COL4A4: variants seen among roughly 807,000 people sequenced by gnomAD.
COL4A4 encodes the protein collagen type IV alpha 4 chain, also known as collagen alpha-4(IV) chain.
Under a neutral mutation model 192.9 loss-of-function variants are expected in COL4A4, and 105 were observed. The ratio of observed to expected loss-of-function variants is 0.54; its 90% confidence interval spans 0.46 to 0.64. The LOEUF (loss-of-function observed/expected upper bound fraction) is 0.64, where lower values mean the gene tolerates loss of function less well. COL4A4 is among the 30% of genes least tolerant of loss of function. The pLI, the probability that COL4A4 is intolerant of heterozygous loss-of-function variation, is 0.00. For missense variants in COL4A4, 1,967 were observed against 2,169.3 expected, an observed-to-expected ratio of 0.91 and a Z score of 1.85; for synonymous variants, 762 against 769.9, an observed-to-expected ratio of 0.99 and a Z score of 0.17.
intron 4 of COL4A4, among the ~76,000 whole-genome samples, chr2:227,131,078 A>G (rs1019633620): frequency 1.3e-5 from 2 of 151,754 alleles, no homozygotes; most frequent in Non-Finnish European, 2.9e-5. Flanking sequence ...CATAAATCCA[A>G]TCTGCTTCTT....
intron 34 of COL4A4, among the ~76,000 whole-genome samples, chr2:227,049,396 C>T (rs1973569262): frequency 6.6e-6 from 1 of 152,216 alleles, no homozygotes; most frequent in African/African-American, 2.4e-5. Flanking sequence ...TGGAAAACAG[C>T]CACACTCCTT....
At position 227,103,982 on chromosome 2, in the gene COL4A4, T is replaced by A; in HGVS notation, c.806A>T (p.Lys269Ile). Residue 269 changes from lysine to isoleucine, a missense_variant, in exon 13 of 48, where the codon AAA becomes ATA. Physicochemically the swap from Lys to Ile is moderately radical, Grantham distance 102. Coordinates refer to ENST00000396625, the MANE Select transcript of COL4A4 (RefSeq NM_000092.5). ...GGATTTGGGAATTACCTTTTCTCCT[T>A]TATAGAGACAAAAGTCAGGTGGCTC... ...LVEPPDFCLY[K>I]GEKGIKGIPG... The A allele has an allele frequency of 6.2e-7, 1 of 1,613,328 alleles. No individual in the cohort carries two copies. Among genetic ancestry groups the A allele is most frequent in the Non-Finnish European group, 8.5e-7 (1 of 1,179,636 alleles).
At chr2:227,071,908 A>AGGAAAGCTTATAGTGCTAAGG (rs369178670) in intron 25 of COL4A4, among the ~76,000 whole-genome samples, 4 of 152,250 alleles carry the variant, frequency 2.6e-5, no homozygotes, top group African/African-American at 9.6e-5. Context: ...CAGTGCTAAG[A>AGGAAAGCTTATAGTGCTAAGG]GGAAAGCTTA....
At chr2:227,000,352 A>G (rs150744896), downstream of COL4A4, among the ~76,000 whole-genome samples, 689 of 152,332 alleles carry the variant, frequency 4.5e-3, 14 homozygotes, top group East Asian at 3.5e-3. Context: ...AGTGCGCACA[A>G]GTGCATTTTA....
At chr2:227,047,821 A>C (rs1219417316) in intron 34 of COL4A4, among the ~76,000 whole-genome samples, 1 of 151,718 alleles carries the variant, frequency 6.6e-6, no homozygotes, top group African/African-American at 2.4e-5. Context: ...TTGAGTTTTT[A>C]AGTCCTGAAA....
chr2:227,134,451 A>G (rs1396643002), intron 4 of COL4A4, among the ~76,000 whole-genome samples: 9 of 152,224 alleles, frequency 5.9e-5, no homozygotes, highest in African/African-American at 4.8e-5. Flanking sequence ...AAAATGGAAC[A>G]CAATTGACTT....
chr2:227,107,673 G>T (rs2060929935), intron 12 of COL4A4, among the ~76,000 whole-genome samples: 1 of 151,734 alleles, frequency 6.6e-6, no homozygotes, highest in South Asian at 2.1e-4. Context: ...ATATTGACTT[G>T]CCCTCAGTTG....
chr2:227,058,144 C>G (rs1222250309), intron 28 of COL4A4, among the ~76,000 whole-genome samples: 1 of 152,202 alleles, frequency 6.6e-6, no homozygotes, highest in African/African-American at 2.4e-5. Context: ...AGTGCAAATT[C>G]AGTTGTTGGA....
chr2:227,122,873 A>AT (rs201845065), intron 4 of COL4A4, among the ~76,000 whole-genome samples: 6 of 146,930 alleles, frequency 4.1e-5, no homozygotes, highest in African/African-American at 1.3e-4. Context: ...TATTATTATT[A>AT]TTTTTTTTTG....
rs891673170 is a variant in COL4A4 at position 227,057,574 on chromosome 2, C to T, written c.2410G>A (p.Gly804Ser). ...TCTCTGCCTTTGGGACCTTTGAGACCTAGGAATCCAGGAATGCCAGCTGGC... is the reference window on the plus strand; with the variant it reads ...TCTCTGCCTTTGGGACCTTTGAGACTTAGGAATCCAGGAATGCCAGCTGGC... ...EGPAGIPGFL[G>S]LKGPKGREGH... The change falls in exon 29 of 48, where the codon GGT (glycine) becomes AGT (serine). Residue 804 changes from glycine (G) to serine (S), a missense_variant. By Grantham distance (56) the Gly-to-Ser change is moderately conservative. Transcript: ENST00000396625. 5 of 1,614,136 alleles carry T rather than the reference C, an allele frequency of 3.1e-6. No individual in the cohort carries two copies. Among genetic ancestry groups the T allele is most frequent in the Non-Finnish European group, 4.2e-6 (5 of 1,180,012 alleles).
At chr2:227,022,914 C>T (rs576237352) in intron 43 of COL4A4, among the ~76,000 whole-genome samples, 9 of 152,164 alleles carry the variant, frequency 5.9e-5, no homozygotes, top group East Asian at 1.9e-4. Flanking sequence ...GGGTGGGACC[C>T]GGGTGTCAGT....
At chr2:227,024,599 A>G (rs1452308063) in intron 43 of COL4A4, among the ~76,000 whole-genome samples, 1 of 152,244 alleles carries the variant, frequency 6.6e-6, no homozygotes, top group African/African-American at 2.4e-5. Context: ...AAGCACTAAG[A>G]AAATCCTTAA....
intron 7 of COL4A4, among the ~76,000 whole-genome samples, chr2:227,117,876 C>A (rs1576638765): frequency 6.6e-6 from 1 of 152,254 alleles, no homozygotes; most frequent in Admixed American, 6.5e-5. Context: ...CATTCCAAAT[C>A]TTTTCTAATA....
At chr2:226,980,056 G>A in the COL4A4 span, among the ~76,000 whole-genome samples, 3 of 152,156 alleles carry the variant, frequency 2.0e-5, no homozygotes, top group Non-Finnish European at 4.4e-5. Flanking sequence ...GATAGTGGGG[G>A]CATTTCTGAG....
At chr2:227,126,461 T>A (rs1256065877) in intron 4 of COL4A4, among the ~76,000 whole-genome samples, 1 of 152,236 alleles carries the variant, frequency 6.6e-6, no homozygotes, top group Non-Finnish European at 1.5e-5. Flanking sequence ...AACAGAGATG[T>A]TGGTGTTTTT....
At chr2:227,109,517 G>T in intron 9 of COL4A4, 1 of 678,056 alleles carries the variant, frequency 1.5e-6, no homozygotes, top group Non-Finnish European at 2.7e-6. Flanking sequence ...GAAAGGCCAA[G>T]TGGGGCAGAT....
At chr2:227,065,941 C>T (rs2058310445) in intron 25 of COL4A4, among the ~76,000 whole-genome samples, 1 of 152,156 alleles carries the variant, frequency 6.6e-6, no homozygotes, top group African/African-American at 2.4e-5. Flanking sequence ...TACGGGGGAA[C>T]ATTCAAACCA....
chr2:227,035,091 C>T (rs1345352995), intron 37 of COL4A4, among the ~76,000 whole-genome samples: 1 of 151,994 alleles, frequency 6.6e-6, no homozygotes, highest in Non-Finnish European at 1.5e-5. Flanking sequence ...ATGTCCACCC[C>T]ACACTGTGAA....
intron 44 of COL4A4, among the ~76,000 whole-genome samples, chr2:227,013,237 G>T (rs1247692608): frequency 6.6e-6 from 1 of 152,122 alleles, no homozygotes; most frequent in East Asian, 1.9e-4. Flanking sequence ...CCTTCTCCAG[G>T]TTTCCAGTCT....
Sources: gnomAD v4.1 joint callset for allele counts (sites outside exome capture counted in the v4.1 genomes callset) on GRCh38, gnomAD v4.1.1 for gene constraint, MANE v1.5 for transcripts, NCBI Gene and HGNC (gene_info 2026-07-23, HGNC 2026-07-21) for gene names.